SSPN: variants seen among roughly 807,000 people sequenced by gnomAD.
SSPN encodes sarcospan.
SSPN carries 15 observed loss-of-function variants against 19.1 expected under a neutral mutation model. The ratio of observed to expected loss-of-function variants is 0.78; its 90% CI spans 0.52 to 1.21. The LOEUF is 1.21. Ranked by LOEUF, SSPN falls within the 50% of genes most tolerant of loss-of-function variation. The pLI is 0.00. For missense variants in SSPN, 291 were observed against 314.0 expected (o/e 0.93, Z 0.55); for synonymous variants, 147 against 140.3 (o/e 1.05, Z -0.34).
At chr12:26,183,157 T>C (rs4963651) in intron 1 of SSPN, among the ~76,000 whole-genome samples, 151,707 of 152,376 alleles carry the variant, frequency 1, 75,521 homozygotes, top group Middle Eastern at 1. Context: ...AAGTCATAGG[T>C]ATTTAAAAAG....
intron 2 of SSPN, among the ~76,000 whole-genome samples, chr12:26,226,696 T>G (rs1269857484): frequency 1.3e-5 from 2 of 151,982 alleles, no homozygotes; most frequent in African/African-American, 2.4e-5. Context: ...TTCTCAGGGC[T>G]CCCCTGGAGG....
Position 26,134,503 on chromosome 12 carries a change from C to T in SSPN, c.-31+12351C>T, listed in dbSNP as rs145527792. 9.2e-5 allele frequency among the ~76,000 whole-genome samples: 14 copies of T among 152,332 alleles called. No individual in the cohort carries two copies. In the East Asian group the frequency reaches 2.7e-3, roughly 29 times the overall value. ...AGACAGACACCTGAATTGTTTACTGCTGTATCCCCAGTGTCTAGGACAGTG... is the reference window on the plus strand; with the variant it reads ...AGACAGACACCTGAATTGTTTACTGTTGTATCCCCAGTGTCTAGGACAGTG... On this transcript the variant is annotated intron_variant, in intron 1 of 2. Coordinates refer to the SSPN transcript ENST00000538142.
intron 2 of SSPN, among the ~76,000 whole-genome samples, chr12:26,225,532 T>C (rs2137512898): frequency 6.6e-6 from 1 of 152,308 alleles, no homozygotes; most frequent in East Asian, 1.9e-4. Context: ...AATTTTGAAA[T>C]GTTCTCCAAT....
At chr12:26,227,206 G>A (rs1257890123) in intron 2 of SSPN, among the ~76,000 whole-genome samples, 2 of 152,130 alleles carry the variant, frequency 1.3e-5, no homozygotes, top group African/African-American at 4.8e-5. Flanking sequence ...GCTGTCAGAT[G>A]AGTTAAAAGC....
At chr12:26,166,506 A>T (rs1055541565) in intron 1 of SSPN, among the ~76,000 whole-genome samples, 1 of 152,272 alleles carries the variant, frequency 6.6e-6, no homozygotes, top group Non-Finnish European at 1.5e-5. Flanking sequence ...CCTTTGGCCC[A>T]GAGTAGGGGT....
intron 1 of SSPN, among the ~76,000 whole-genome samples, chr12:26,170,296 A>G (rs983802221): frequency 6.6e-6 from 1 of 152,236 alleles, no homozygotes; most frequent in Non-Finnish European, 1.5e-5. Context: ...AGGATTGACT[A>G]CAATAAATTA....
At chr12:26,131,481 C>A (rs1469374068) in intron 1 of SSPN, among the ~76,000 whole-genome samples, 1 of 152,240 alleles carries the variant, frequency 6.6e-6, no homozygotes, top group Non-Finnish European at 1.5e-5. Flanking sequence ...AGGAGAAAGG[C>A]ATTCTCTGAT....
intron 1 of SSPN, among the ~76,000 whole-genome samples, chr12:26,187,236 G>C (rs12815830): frequency 6.6e-6 from 1 of 152,222 alleles, no homozygotes; most frequent in East Asian, 1.9e-4. Flanking sequence ...CCCCACTTAC[G>C]GTCATGAAGT....
intron 1 of SSPN, among the ~76,000 whole-genome samples, chr12:26,217,708 G>A (rs1352281063): frequency 7.1e-6 from 1 of 140,506 alleles, no homozygotes; most frequent in African/African-American, 2.7e-5. Flanking sequence ...TATTGGCTGT[G>A]GGTTTGTCAT....
At chr12:26,182,579 T>G (rs1944725322) in intron 1 of SSPN, among the ~76,000 whole-genome samples, 1 of 124,418 alleles carries the variant, frequency 8.0e-6, no homozygotes, top group South Asian at 3.0e-4. Flanking sequence ...CCCCTTCCCC[T>G]TCCCCTTCCC....
chr12:26,122,909 G>A, intron 1 of SSPN: 2 of 1,549,804 alleles, frequency 1.3e-6, no homozygotes, highest in South Asian at 1.2e-5. Flanking sequence ...GCTCCAGGCA[G>A]GGGGCGGCCG....
At chr12:26,172,448 A>G (rs1333165286) in intron 1 of SSPN, among the ~76,000 whole-genome samples, 2 of 152,192 alleles carry the variant, frequency 1.3e-5, no homozygotes, top group Non-Finnish European at 2.9e-5. Context: ...CTGTTTCTCG[A>G]TGAGCATTTT....
chr12:26,148,520 A>G (rs1008100680), intron 1 of SSPN, among the ~76,000 whole-genome samples: 18 of 152,222 alleles, frequency 1.2e-4, no homozygotes, highest in African/African-American at 4.3e-4. Flanking sequence ...GAGTGGATGT[A>G]AGTGAAAAAT....
At chr12:26,162,477 G>A (rs182852133) in intron 1 of SSPN, among the ~76,000 whole-genome samples, 1 of 152,270 alleles carries the variant, frequency 6.6e-6, no homozygotes, top group African/African-American at 2.4e-5. Flanking sequence ...TATTTATTCT[G>A]TCTAGACATG....
At chr12:26,123,677 G>C in intron 1 of SSPN, 1 of 1,614,144 alleles carries the variant, frequency 6.2e-7, no homozygotes, top group Non-Finnish European at 8.5e-7. Context: ...GGTTAAGGCG[G>C]TTAAAGCTTT....
Position 26,224,250 on chromosome 12 carries a change from A to G in SSPN, c.280-43A>G, listed in dbSNP as rs377574414. The G allele has an allele frequency of 9.6e-5, 136 of 1,419,546 alleles. 2 individuals are homozygous for G. In the South Asian group the frequency reaches 1.0e-3, roughly 11 times the overall value. 87.9% of individuals were successfully genotyped at this position (1,419,546 alleles called of 1,614,324 possible). On this transcript the variant is annotated intron_variant, in intron 1 of 2. Transcript: ENST00000242729. Reference sequence around the variant, plus strand: ...GAGACTGATGTCATTTGAACGCACAACGTACCCTGATAACATCCTTTCTTC... The same window carrying G: ...GAGACTGATGTCATTTGAACGCACAGCGTACCCTGATAACATCCTTTCTTC...
intron 1 of SSPN, among the ~76,000 whole-genome samples, chr12:26,185,139 C>T (rs1001463450): frequency 6.6e-6 from 1 of 152,134 alleles, no homozygotes; most frequent in Non-Finnish European, 1.5e-5. Flanking sequence ...GAAAAAAATA[C>T]TCCTCTCCAA....
At chr12:26,218,698 A>T (rs1945086982) in intron 1 of SSPN, among the ~76,000 whole-genome samples, 1 of 152,158 alleles carries the variant, frequency 6.6e-6, no homozygotes, top group African/African-American at 2.4e-5. Context: ...TGGAATCTTG[A>T]TTGGATAAGC....
intron 1 of SSPN, among the ~76,000 whole-genome samples, chr12:26,129,541 A>G (rs1255124657): frequency 6.6e-6 from 1 of 152,222 alleles, no homozygotes; most frequent in Non-Finnish European, 1.5e-5. Context: ...ACTTTAAAAT[A>G]TTGATGATGT....
Sources: allele counts gnomAD v4.1 joint callset (sites outside exome capture counted in the v4.1 genomes callset), GRCh38; gene constraint gnomAD v4.1.1; transcripts MANE v1.5; gene names NCBI Gene and HGNC (gene_info 2026-07-23, HGNC 2026-07-21).